CCDC144A: variants seen among roughly 807,000 people sequenced by gnomAD.
CCDC144A encodes coiled-coil domain containing 144A.
In CCDC144A, 41 loss-of-function variants were observed where a neutral mutation model predicts 143.8. The ratio of observed to expected loss-of-function variants is 0.29; its 90% confidence interval spans 0.22 to 0.37. The LOEUF (loss-of-function observed/expected upper bound fraction) is 0.37. Among genes scored for constraint, CCDC144A ranks in the 10% least tolerant of loss-of-function variants. The pLI is 1.00. For missense variants in CCDC144A, 637 were observed against 1,488.8 expected (o/e 0.43, Z 9.41); for synonymous variants, 242 against 517.9 (o/e 0.47, Z 7.23).
intron 12 of CCDC144A, among the ~76,000 whole-genome samples, chr17:16,747,746 T>C (rs1293159949): frequency 6.6e-6 from 1 of 152,236 alleles, no homozygotes; most frequent in Admixed American, 6.5e-5. Context: ...TTTATTGGTA[T>C]GTAGAAATGC....
chr17:16,726,801 G>A (rs1913453535), intron 8 of CCDC144A, among the ~76,000 whole-genome samples: 1 of 150,120 alleles, frequency 6.7e-6, no homozygotes. Flanking sequence ...CCGGTGTTCT[G>A]TTTCGTGATC....
the CCDC144A span, chr17:16,683,288 C>T: frequency 8.7e-6 from 5 of 573,702 alleles, no homozygotes; most frequent in Non-Finnish European, 1.5e-5. Context: ...TTTTACACAA[C>T]ATATATACAA....
chr17:16,739,833 A>C, intron 12 of CCDC144A, among the ~76,000 whole-genome samples: 1 of 151,696 alleles, frequency 6.6e-6, no homozygotes, highest in Non-Finnish European at 1.5e-5. Context: ...GCTTATTACC[A>C]GTTGTCTTAT....
intron 6 of CCDC144A, among the ~76,000 whole-genome samples, chr17:16,719,195 T>G (rs1476742999): frequency 6.6e-6 from 1 of 151,904 alleles, no homozygotes; most frequent in Non-Finnish European, 1.5e-5. Flanking sequence ...TTCTGAAGTA[T>G]CAAAACCATG....
intron 2 of CCDC144A, among the ~76,000 whole-genome samples, chr17:16,693,666 C>A (rs2928655): frequency 1.3e-5 from 2 of 152,048 alleles, no homozygotes; most frequent in African/African-American, 2.4e-5. Context: ...TTATAGTCAC[C>A]TTATAATGAA....
intron 2 of CCDC144A, among the ~76,000 whole-genome samples, chr17:16,693,523 G>A (rs1057312855): frequency 1.3e-5 from 2 of 152,010 alleles, no homozygotes; most frequent in Non-Finnish European, 2.9e-5. Context: ...CACCGTGTTA[G>A]CCAGGATGGT....
upstream of CCDC144A, among the ~76,000 whole-genome samples, chr17:16,687,824 G>C (rs528479867): frequency 6.6e-6 from 1 of 151,838 alleles, no homozygotes; most frequent in Non-Finnish European, 1.5e-5. Context: ...CTCAATTCAC[G>C]GGGCATTTCA....
At chr17:16,739,679 A>AT (rs1020631637) in intron 12 of CCDC144A, among the ~76,000 whole-genome samples, 2 of 150,988 alleles carry the variant, frequency 1.3e-5, no homozygotes, top group African/African-American at 2.4e-5. Flanking sequence ...TTCTCATTTA[A>AT]TTTTTTTTAC....
Position 16,704,106 on chromosome 17 carries a change from C to T in CCDC144A, c.416-1045C>T, listed in dbSNP as rs555235412. 2.6e-5 allele frequency among the ~76,000 whole-genome samples: 4 copies of T among 152,228 alleles called. No homozygotes were observed. In the East Asian group the frequency reaches 7.7e-4, roughly 29 times the overall value. ...AATGCACCCTTTATGGTGAAATGGA[C>T]TTTAAAGTTTCACTTATGTGTTTTT... On this transcript the variant is annotated intron_variant, in intron 2 of 16. Coordinates refer to ENST00000399273, the MANE Select transcript of CCDC144A (RefSeq NM_001382000.1).
At chr17:16,710,779 G>A (rs1912360193) in intron 5 of CCDC144A, among the ~76,000 whole-genome samples, 1 of 152,044 alleles carries the variant, frequency 6.6e-6, no homozygotes, top group African/African-American at 2.4e-5. Flanking sequence ...TTTTACCCAA[G>A]TCACACTTTT....
intron 12 of CCDC144A, among the ~76,000 whole-genome samples, chr17:16,757,091 T>G (rs2649367): frequency 1.3e-5 from 2 of 152,280 alleles, no homozygotes; most frequent in East Asian, 3.8e-4. Context: ...ACCTGAGTGG[T>G]CTGGCCCTTG....
the CCDC144A span, chr17:16,667,157 TGCGC>T: frequency 1.3e-5 from 2 of 157,400 alleles, no homozygotes; most frequent in Non-Finnish European, 2.8e-5. Flanking sequence ...GGCAGGAGGC[TGCGC>T]TGGACCCCGC....
intron 12 of CCDC144A, among the ~76,000 whole-genome samples, chr17:16,745,237 C>T (rs1914441646): frequency 6.6e-6 from 1 of 151,366 alleles, no homozygotes; most frequent in Non-Finnish European, 1.5e-5. Context: ...GAGTGACTGA[C>T]AGCTCCTCTG....
At chr17:16,678,751 G>GTTTTTTTT in the CCDC144A span, among the ~76,000 whole-genome samples, 2 of 78,072 alleles carry the variant, frequency 2.6e-5, no homozygotes, top group African/African-American at 4.6e-5. Flanking sequence ...TGGCTAATTT[G>GTTTTTTTT]TTTTTTTTTT....
the CCDC144A span, chr17:16,666,722 G>T: frequency 3.1e-3 from 1,726 of 549,540 alleles, 12 homozygotes; most frequent in African/African-American, 0.034. Context: ...AGGTGCAGGG[G>T]GCGCTTCCCC....
intron 6 of CCDC144A, among the ~76,000 whole-genome samples, chr17:16,715,662 G>A (rs1912706319): frequency 6.6e-6 from 1 of 152,122 alleles, no homozygotes; most frequent in Non-Finnish European, 1.5e-5. Context: ...AGACCAAGTT[G>A]GAATGTGTTG....
intron 12 of CCDC144A, among the ~76,000 whole-genome samples, chr17:16,760,722 A>AT (rs1915321111): frequency 7.9e-6 from 1 of 126,746 alleles, no homozygotes; most frequent in Non-Finnish European, 1.6e-5. Context: ...AAATAATTCA[A>AT]TATGATGCCC....
the CCDC144A span, among the ~76,000 whole-genome samples, chr17:16,676,097 A>C: frequency 6.6e-6 from 1 of 152,026 alleles, no homozygotes; most frequent in Non-Finnish European, 1.5e-5. Flanking sequence ...TGGAATTCTA[A>C]AAATTGCATA....
chr17:16,707,609 T>C, intron 4 of CCDC144A, 67 bp downstream of exon 4: 1 of 988,858 alleles, frequency 1.0e-6, no homozygotes, highest in Non-Finnish European at 1.5e-6. Flanking sequence ...TTTAATAATA[T>C]AAGCTAGCCC....
Sources: gnomAD v4.1 joint callset for allele counts (sites outside exome capture counted in the v4.1 genomes callset) on GRCh38, gnomAD v4.1.1 for gene constraint, MANE v1.5 for transcripts, NCBI Gene and HGNC (gene_info 2026-07-23, HGNC 2026-07-21) for gene names.